Variants in ARHGAP15 observed in about 807,000 individuals in gnomAD.
The protein encoded by ARHGAP15 is Rho GTPase activating protein 15.
ARHGAP15 carries 51 observed loss-of-function variants against 63.7 expected under a neutral mutation model. That is an observed-to-expected ratio of 0.80 (90% confidence interval 0.64 to 1.01). The LOEUF is 1.01. Among genes scored for constraint, ARHGAP15 ranks in the 50% least tolerant of loss-of-function variants. The pLI is 0.00. For missense variants in ARHGAP15, 560 were observed against 564.6 expected (o/e 0.99, Z 0.08); for synonymous variants, 191 against 193.8 (o/e 0.99, Z 0.12).
chr2:143,756,106 A>C (rs747824694), intron 13 of ARHGAP15, among the ~76,000 whole-genome samples: 1 of 152,202 alleles, frequency 6.6e-6, no homozygotes, highest in Non-Finnish European at 1.5e-5. Flanking sequence ...TTTCAAGAAA[A>C]CTGCTAAAGA....
chr2:143,400,572 GGTAGGATACACATGCAAAATTGA>G (rs1197846605), intron 6 of ARHGAP15, among the ~76,000 whole-genome samples: 1 of 151,788 alleles, frequency 6.6e-6, no homozygotes, highest in Non-Finnish European at 1.5e-5. Flanking sequence ...TTCACTTCAA[GGTAGGATACACATGCAAAATTGA>G]AATGGACCTA....
intron 12 of ARHGAP15, among the ~76,000 whole-genome samples, chr2:143,690,802 CAA>C (rs1331670563): frequency 2.6e-5 from 4 of 152,078 alleles, no homozygotes; most frequent in African/African-American, 9.7e-5. Flanking sequence ...TCCAGATGCT[CAA>C]GTCAGCCTTT....
intron 12 of ARHGAP15, among the ~76,000 whole-genome samples, chr2:143,632,789 A>G (rs1380012593): frequency 2.6e-5 from 4 of 152,060 alleles, no homozygotes; most frequent in African/African-American, 4.8e-5. Flanking sequence ...TTGTGGGGGG[A>G]AAAGCCAGTC....
At chr2:143,540,153 T>A (rs1052925235) in intron 10 of ARHGAP15, among the ~76,000 whole-genome samples, 1 of 152,176 alleles carries the variant, frequency 6.6e-6, no homozygotes, top group Non-Finnish European at 1.5e-5. Flanking sequence ...TTTGTCTCTT[T>A]TGATCTTTGT....
At chr2:143,750,455 T>A (rs1211960549) in intron 13 of ARHGAP15, among the ~76,000 whole-genome samples, 3 of 151,952 alleles carry the variant, frequency 2.0e-5, no homozygotes, top group African/African-American at 4.8e-5. Context: ...AAAAAAAAAA[T>A]GTTTCTCTAG....
At position 143,481,115 on chromosome 2, in the gene ARHGAP15, C is replaced by A. The variant is rs542994066; in HGVS notation, c.704-6258C>A. 2.7e-5 allele frequency among the ~76,000 whole-genome samples: 4 copies of A among 149,412 alleles called. 1 individual carries two copies. Among genetic ancestry groups the A allele is most frequent in the South Asian group, 4.2e-4 (2 of 4,728 alleles). On this transcript the variant is annotated intron_variant, in intron 8 of 13. Coordinates refer to ENST00000295095, the MANE Select transcript of ARHGAP15 (RefSeq NM_018460.4). ...AAACCTTATTTTGTCTTTTTTTTTT[C>A]TTTGATTTCCTGCTCTGAATACTGC...
intron 12 of ARHGAP15, among the ~76,000 whole-genome samples, chr2:143,683,626 A>C (rs1010670768): frequency 7.9e-5 from 12 of 152,220 alleles, no homozygotes; most frequent in Non-Finnish European, 1.6e-4. Flanking sequence ...TGTTTCTCTT[A>C]TCTACATGCC....
chr2:143,308,624 AC>A (rs1254515732), intron 6 of ARHGAP15, among the ~76,000 whole-genome samples: 1 of 152,066 alleles, frequency 6.6e-6, no homozygotes, highest in African/African-American at 2.4e-5. Context: ...ATATGATAGA[AC>A]AAGCATCCCT....
chr2:143,216,222 A>G (rs1692750589), intron 3 of ARHGAP15, among the ~76,000 whole-genome samples, 162 bp from the exon 4 acceptor site: 1 of 152,208 alleles, frequency 6.6e-6, no homozygotes, highest in Non-Finnish European at 1.5e-5. Context: ...TGTAATGACT[A>G]TGATTTTGCA....
intron 8 of ARHGAP15, among the ~76,000 whole-genome samples, chr2:143,464,952 A>G (rs1011726212): frequency 1.3e-5 from 2 of 152,218 alleles, no homozygotes; most frequent in Admixed American, 1.3e-4. Context: ...AACAAGTTTT[A>G]TTTTTTAAAC....
At chr2:143,146,094 G>A (rs997230510) in intron 1 of ARHGAP15, among the ~76,000 whole-genome samples, 22 of 151,524 alleles carry the variant, frequency 1.5e-4, no homozygotes, top group Admixed American at 4.6e-4. Context: ...ATCGTAAAAG[G>A]ATATAAATAA....
At chr2:143,409,566 C>T (rs923602351) in intron 6 of ARHGAP15, among the ~76,000 whole-genome samples, 5 of 151,952 alleles carry the variant, frequency 3.3e-5, no homozygotes, top group Non-Finnish European at 5.9e-5. Context: ...CACCTATATA[C>T]CCCCAGTACA....
intron 10 of ARHGAP15, among the ~76,000 whole-genome samples, chr2:143,520,180 A>G (rs184761451): frequency 6.6e-6 from 1 of 152,320 alleles, no homozygotes; most frequent in East Asian, 1.9e-4. Context: ...TGTTTTCAGA[A>G]AAAAGGATTG....
At chr2:143,435,263 T>C (rs1351756636) in intron 6 of ARHGAP15, 1 of 1,000,954 alleles carries the variant, frequency 1.0e-6, no homozygotes, top group Non-Finnish European at 1.2e-6. Flanking sequence ...CACACCCGGG[T>C]GCATTTTTCT....
intron 6 of ARHGAP15, among the ~76,000 whole-genome samples, chr2:143,362,933 A>G (rs920341717): frequency 1.3e-4 from 20 of 152,218 alleles, no homozygotes; most frequent in Admixed American, 7.9e-4. Flanking sequence ...GTTGGTCACC[A>G]TACTTATGTT....
intron 6 of ARHGAP15, among the ~76,000 whole-genome samples, chr2:143,379,245 A>G (rs1188094632): frequency 6.6e-6 from 1 of 151,980 alleles, no homozygotes; most frequent in Admixed American, 6.6e-5. Flanking sequence ...ATCACCATCC[A>G]AGCATCCAAG....
chr2:143,703,343 A>G, intron 12 of ARHGAP15, 76 bp from the exon 13 acceptor site: 1 of 1,231,786 alleles, frequency 8.1e-7, no homozygotes, highest in Non-Finnish European at 1.1e-6. Context: ...AAATTTTCTC[A>G]AGAAAATTTT....
At chr2:143,253,858 A>G (rs1680288872) in intron 6 of ARHGAP15, among the ~76,000 whole-genome samples, 2 of 151,942 alleles carry the variant, frequency 1.3e-5, no homozygotes, top group African/African-American at 4.8e-5. Context: ...CCACACACAA[A>G]CACAGAAAGA....
intron 12 of ARHGAP15, among the ~76,000 whole-genome samples, chr2:143,684,098 C>G (rs146261219): frequency 6.6e-6 from 1 of 152,224 alleles, no homozygotes; most frequent in African/African-American, 2.4e-5. Flanking sequence ...TTTAATTGGA[C>G]AAATGGCCAC....
Sources: allele counts gnomAD v4.1 joint callset (sites outside exome capture counted in the v4.1 genomes callset), GRCh38; gene constraint gnomAD v4.1.1; transcripts MANE v1.5; gene names NCBI Gene and HGNC (gene_info 2026-07-23, HGNC 2026-07-21).